Variants in CPT1A observed in about 807,000 individuals in gnomAD.
The protein encoded by CPT1A is carnitine palmitoyltransferase 1A, also known as carnitine O-palmitoyltransferase 1, liver isoform.
A neutral mutation model predicts 100.8 loss-of-function variants in CPT1A; 64 were observed. The ratio of observed to expected loss-of-function variants is 0.63; its 90% CI spans 0.52 to 0.78. The LOEUF (loss-of-function observed/expected upper bound fraction) is 0.78. CPT1A is among the 30% of genes least tolerant of loss of function. CPT1A has a pLI of 0.00. For synonymous variants in CPT1A, 363 were observed against 396.0 expected (o/e 0.92, Z 0.99); for missense variants, 802 against 1,034.1 (o/e 0.78, Z 3.08).
At chr11:68,794,492 C>T (rs1379129708) in intron 8 of CPT1A, among the ~76,000 whole-genome samples, 1 of 152,140 alleles carries the variant, frequency 6.6e-6, no homozygotes, top group Non-Finnish European at 1.5e-5. Context: ...CTCGCTGCAA[C>T]CTCCACCTCC....
At chr11:68,770,300 G>A (rs968549987) in intron 14 of CPT1A, among the ~76,000 whole-genome samples, 7 of 152,116 alleles carry the variant, frequency 4.6e-5, no homozygotes, top group Non-Finnish European at 1.0e-4. Context: ...TCATCCTTGT[G>A]CAAGAAAGCT....
At chr11:68,788,513 C>G (rs936194307) in intron 9 of CPT1A, among the ~76,000 whole-genome samples, 2 of 151,602 alleles carry the variant, frequency 1.3e-5, no homozygotes, top group African/African-American at 4.8e-5. Flanking sequence ...GCAGGACAAT[C>G]GCTTGAAACT....
chr11:68,839,451 T>C, intron 1 of CPT1A: 1 of 954,574 alleles, frequency 1.0e-6, no homozygotes, highest in East Asian at 1.2e-4. Context: ...TCCCAGGCGC[T>C]CGGATCCTGT....
intron 16 of CPT1A, among the ~76,000 whole-genome samples, chr11:68,760,807 G>A (rs1946792655): frequency 1.3e-5 from 2 of 152,176 alleles, no homozygotes; most frequent in Admixed American, 1.3e-4. Flanking sequence ...GAGCTCAGGA[G>A]TTCGAGACCA....
At chr11:68,760,478 T>G (rs1946784136) in intron 16 of CPT1A, 140 bp from the exon 17 acceptor site, 6 of 625,252 alleles carry the variant, frequency 9.6e-6, no homozygotes, top group African/African-American at 1.9e-5. Flanking sequence ...AAGGCCTCAC[T>G]GGCTTGGGCA....
intron 1 of CPT1A, among the ~76,000 whole-genome samples, chr11:68,822,831 A>G (rs1382373410): frequency 1.3e-5 from 2 of 152,210 alleles, no homozygotes; most frequent in African/African-American, 4.8e-5. Flanking sequence ...GAAGCCATAC[A>G]GAAGGTCATA....
intron 5 of CPT1A, 59 bp downstream of exon 5, chr11:68,803,941 A>T: frequency 7.6e-7 from 1 of 1,311,878 alleles, no homozygotes; most frequent in Non-Finnish European, 1.1e-6. Context: ...CATAATTAAG[A>T]CCTAAGCCTT....
Position 68,755,163 on chromosome 11 carries a change from G to T in CPT1A, c.*2481C>A, listed in dbSNP as rs1054936370. ...GCACTGATGAGCAACAATTACATTT[G>T]AAACATTTAAAACCTGAGAGAGAAA... is the stretch of plus-strand genomic sequence containing the variant. On this transcript the variant is annotated 3_prime_UTR_variant, in exon 19 of 19. Transcript: ENST00000265641. The T allele has an allele frequency of 2.9e-5, 10 of 340,850 alleles. No homozygotes were observed. Among genetic ancestry groups the T allele is most frequent in the Non-Finnish European group, 4.9e-5 (9 of 181,952 alleles). The allele number at this position is 340,850 out of a possible 1,614,324, so 21.1% of individuals were successfully genotyped here.
intron 12 of CPT1A, among the ~76,000 whole-genome samples, chr11:68,779,224 C>T (rs1272942210): frequency 6.6e-6 from 1 of 152,008 alleles, no homozygotes; most frequent in Non-Finnish European, 1.5e-5. Context: ...ATTTATTAGG[C>T]CAGCAGGAAA....
chr11:68,767,239 G>T (rs888489248), intron 14 of CPT1A, among the ~76,000 whole-genome samples: 4 of 152,224 alleles, frequency 2.6e-5, no homozygotes, highest in Non-Finnish European at 5.9e-5. Flanking sequence ...ACAGTCTGCA[G>T]ATCATTGTAA....
Position 68,841,710 on chromosome 11 carries a change from C to T in CPT1A, c.-14+65G>A, listed in dbSNP as rs1467398409. 1.3e-5 allele frequency: 11 copies of T among 868,302 alleles called. No individual in the cohort carries two copies. Among genetic ancestry groups the T allele is most frequent in the Admixed American group, 6.2e-5 (1 of 16,070 alleles). 53.8% of individuals were successfully genotyped at this position (868,302 alleles called of 1,614,324 possible). A position where few individuals can be genotyped will look rare whatever the true frequency, so the allele number is the denominator to read the frequency against. On this transcript the variant is annotated intron_variant, in intron 1 of 18. Transcript: ENST00000265641. This position sits in a 1 kb window ranked among gnomAD's most constrained non-coding sequence, Gnocchi z 6.3. ...CCCGGCAGCCCCGCGCCCCGCCCGT[C>T]CCCGGCCCCCGCAGCCCGCAGGGCC...
chr11:68,824,796 T>G (rs1594372015), intron 1 of CPT1A, among the ~76,000 whole-genome samples: 1 of 147,270 alleles, frequency 6.8e-6, no homozygotes, highest in Non-Finnish European at 1.5e-5. Context: ...AATTGTATCT[T>G]TTTTTTTTTT....
rs1015039934 is a variant in CPT1A, at chr11:68,804,092, T to C, written c.463A>G (p.Lys155Glu). ...ATGGGTTTTCGGCCTGAAAAGATCTTGACCATACCCTGAAGAGAGAGAATT... is the reference window on the plus strand; with the variant it reads ...ATGGGTTTTCGGCCTGAAAAGATCTCGACCATACCCTGAAGAGAGAGAATT... ...RATKIWMGMV[K>E]IFSGRKPMLY... The change falls in exon 5 of 19, where the codon AAG (lysine) becomes GAG (glutamate). Residue 155 changes from lysine to glutamate, a missense_variant. By Grantham distance (56) the Lys-to-Glu change is moderately conservative. Transcript: ENST00000265641. 6.2e-7 allele frequency: 1 copy of C among 1,613,036 alleles called. No individual in the cohort carries two copies. Among genetic ancestry groups the C allele is most frequent in the Admixed American group, 1.7e-5 (1 of 60,004 alleles).
intron 7 of CPT1A, 94 bp downstream of exon 7, chr11:68,796,762 A>T: frequency 8.0e-7 from 1 of 1,247,304 alleles, no homozygotes; most frequent in Non-Finnish European, 1.2e-6. Context: ...GAGTTTTCCC[A>T]GGCCGTCCAC....
rs1479434460 is a variant in CPT1A, at chr11:68,757,368, A to T, written c.*276T>A. The T allele has an allele frequency of 3.8e-6, 5 of 1,324,856 alleles. No homozygotes were observed. In the African/African-American group the frequency reaches 7.4e-5, roughly 20 times the overall value. The allele number at this position is 1,324,856 out of a possible 1,614,324, so 82.1% of individuals were successfully genotyped here. On this transcript the variant is annotated 3_prime_UTR_variant, in exon 19 of 19. Coordinates refer to ENST00000265641, the MANE Select transcript of CPT1A (RefSeq NM_001876.4). ...CTAATTCCTTCATTAACTCAACAAG[A>T]TTTGCATCCCTTAATAAATCCAAGC...
chr11:68,837,104 C>T (rs1361732471), intron 1 of CPT1A, among the ~76,000 whole-genome samples: 3 of 152,132 alleles, frequency 2.0e-5, no homozygotes, highest in African/African-American at 7.2e-5. Flanking sequence ...GGCTGGAGTG[C>T]AGTGGTGTGA....
chr11:68,807,845 G>A (rs1399611394), intron 3 of CPT1A, among the ~76,000 whole-genome samples: 3 of 152,208 alleles, frequency 2.0e-5, no homozygotes, highest in Admixed American at 6.5e-5. Flanking sequence ...AACCAATCAC[G>A]CCGAAAGTAG....
chr11:68,776,509 C>T (rs1402652786), intron 12 of CPT1A, among the ~76,000 whole-genome samples: 1 of 152,200 alleles, frequency 6.6e-6, no homozygotes, highest in Non-Finnish European at 1.5e-5. Context: ...CACATACATA[C>T]ACACAGAAAG....
intron 1 of CPT1A, among the ~76,000 whole-genome samples, chr11:68,827,717 C>T (rs2154002317): frequency 6.6e-6 from 1 of 152,240 alleles, no homozygotes; most frequent in South Asian, 2.1e-4. Flanking sequence ...TCTCCCTGTC[C>T]CCAGAATGCG....
Sources: gnomAD v4.1 joint callset for allele counts (sites outside exome capture counted in the v4.1 genomes callset) on GRCh38, gnomAD v4.1.1 for gene constraint, Gnocchi (gnomAD v3.1) non-coding constraint, MANE v1.5 for transcripts, NCBI Gene and HGNC (gene_info 2026-07-23, HGNC 2026-07-21) for gene names.